The following ITGA1 variants were observed in gnomAD, a reference collection of about 807,000 sequenced individuals.
ITGA1 encodes the protein integrin alpha-1.
In ITGA1, 85 loss-of-function variants were observed where a neutral mutation model predicts 145.9. That is an observed-to-expected ratio of 0.58 (90% CI 0.49 to 0.70). The LOEUF (loss-of-function observed/expected upper bound fraction) is 0.70. Ranked by LOEUF, ITGA1 falls within the 30% of genes least tolerant of loss-of-function variation. The probability of loss-of-function intolerance (pLI) is 0.00; values close to 1 mark genes in which losing one functional copy is unlikely to be tolerated. For missense variants in ITGA1, 1,351 were observed against 1,418.7 expected (o/e 0.95, Z 0.77); for synonymous variants, 520 against 495.3 (o/e 1.05, Z -0.66).
chr5:52,825,645 C>A (rs1340565767), intron 1 of ITGA1, among the ~76,000 whole-genome samples: 1 of 152,124 alleles, frequency 6.6e-6, no homozygotes, highest in African/African-American at 2.4e-5. Flanking sequence ...ATAGGCAGGG[C>A]ACAGTGGCTC....
At position 52,921,956 on chromosome 5, in the gene ITGA1, G is replaced by A. The variant is rs113037345; in HGVS notation, c.2293-821G>A. On this transcript the variant is annotated intron_variant, in intron 17 of 28. Coordinates refer to ENST00000282588, the MANE Select transcript of ITGA1 (RefSeq NM_181501.2). ...CTATAAATGATTATTGTTATTGGTG[G>A]CATGTTAACAGTATTAATCATATTC... Among the ~76,000 whole-genome samples the A allele has an allele frequency of 7.3e-3, 1,104 of 152,216 alleles. 6 individuals are homozygous for A. The highest frequency in any genetic ancestry group is 0.012 in the Non-Finnish European group (807 of 68,002).
At chr5:52,808,676 C>CTTTCTTTTTTTTTTTTTTTTTTTTTTTTT (rs1554041033) in intron 1 of ITGA1, among the ~76,000 whole-genome samples, 46 of 69,340 alleles carry the variant, frequency 6.6e-4, no homozygotes, top group Admixed American at 7.8e-4. Context: ...TTCTTTCTTT[C>CTTTCTTTTTTTTTTTTTTTTTTTTTTTTT]TTTTTTTTTT....
At chr5:52,912,754 A>ATT (rs10657085) in intron 14 of ITGA1, among the ~76,000 whole-genome samples, 9,900 of 138,788 alleles carry the variant, frequency 0.071, 974 homozygotes, top group African/African-American at 0.22. Flanking sequence ...ATATATATAT[A>ATT]TTTTTTTTTT....
intron 17 of ITGA1, 60 bp from the exon 18 acceptor site, chr5:52,922,717 C>A (rs1750748441): frequency 9.3e-7 from 1 of 1,078,404 alleles, no homozygotes. Context: ...GGAGACATAA[C>A]AAGATCAGAA....
chr5:52,905,624 C>A, intron 11 of ITGA1, 139 bp from the exon 12 acceptor site: 2 of 632,784 alleles, frequency 3.2e-6, no homozygotes, highest in Non-Finnish European at 2.5e-6. Flanking sequence ...CAAATTCTTA[C>A]GTGCATTGAA....
intron 11 of ITGA1, among the ~76,000 whole-genome samples, chr5:52,898,614 G>A (rs1408586892): frequency 3.3e-5 from 5 of 151,976 alleles, no homozygotes; most frequent in African/African-American, 1.2e-4. Flanking sequence ...TGCAGGGAAT[G>A]GTTTAGGTTG....
rs1049561291 is a variant in ITGA1 at position 52,932,107 on chromosome 5, A to G, written c.2832A>G (p.Val944=). 10 of 1,609,436 alleles carry G rather than the reference A, an allele frequency of 6.2e-6. No individual in the cohort carries two copies. The highest frequency in any genetic ancestry group is 1.6e-4 in the Middle Eastern group (1 of 6,078). Residue 944 remains valine, a synonymous_variant, in exon 22 of 29, where the codon GTA becomes GTG. Transcript: ENST00000282588. ...ATGTAGTAAACATTTCTATCCCGGT[A>G]AAATATGAAGTTGGACTACAGTTTT... ...SDNVVNISIP[V]KYEVGLQFYS... is the part of the protein sequence containing the mutation.
At chr5:52,916,448 T>C (rs1177100035) in intron 15 of ITGA1, among the ~76,000 whole-genome samples, 1 of 152,116 alleles carries the variant, frequency 6.6e-6, no homozygotes, top group African/African-American at 2.4e-5. Flanking sequence ...AATGCTCTTT[T>C]TCCCAAAAAT....
intron 15 of ITGA1, among the ~76,000 whole-genome samples, chr5:52,917,318 T>TAA (rs1191033620): frequency 6.6e-6 from 1 of 152,214 alleles, no homozygotes; most frequent in African/African-American, 2.4e-5. Context: ...TCTTTATCAA[T>TAA]AAGTGTTTAA....
intron 3 of ITGA1, among the ~76,000 whole-genome samples, chr5:52,864,422 T>A (rs1330879196): frequency 6.6e-6 from 1 of 152,204 alleles, no homozygotes; most frequent in Non-Finnish European, 1.5e-5. Context: ...TATAACAAAG[T>A]TATAAGATTA....
intron 28 of ITGA1, chr5:52,948,777 C>T (rs573880106): frequency 1.3e-5 from 2 of 152,200 alleles, no homozygotes; most frequent in South Asian, 4.1e-4. Context: ...GAGAGTGTTA[C>T]TGTTGATTTT....
At chr5:52,857,346 C>A (rs1749532455) in intron 2 of ITGA1, among the ~76,000 whole-genome samples, 1 of 152,074 alleles carries the variant, frequency 6.6e-6, no homozygotes, top group African/African-American at 2.4e-5. Context: ...AGATTCTACT[C>A]CCTCTCCTGT....
intron 6 of ITGA1, among the ~76,000 whole-genome samples, chr5:52,869,967 G>T (rs1270520878): frequency 6.6e-6 from 1 of 152,092 alleles, no homozygotes; most frequent in African/African-American, 2.4e-5. Flanking sequence ...TAAGTATAAT[G>T]CATGTGAACT....
chr5:52,797,647 AAGG>A (rs1326877172), intron 1 of ITGA1, among the ~76,000 whole-genome samples: 1 of 152,140 alleles, frequency 6.6e-6, no homozygotes, highest in Non-Finnish European at 1.5e-5. Context: ...ATTTGCAGTG[AAGG>A]AGATGATTAC....
At chr5:52,830,120 G>A (rs1580051492) in intron 1 of ITGA1, among the ~76,000 whole-genome samples, 1 of 152,100 alleles carries the variant, frequency 6.6e-6, no homozygotes, top group South Asian at 2.1e-4. Flanking sequence ...AGCCAGTAGG[G>A]TATAGTAGCT....
In ITGA1 at chr5:52,834,401, C is replaced by T. The variant is rs560229505; in HGVS notation, c.62-14964C>T. 3.3e-4 allele frequency among the ~76,000 whole-genome samples: 50 copies of T among 151,836 alleles called. No homozygotes were observed. In the South Asian group the frequency reaches 6.0e-3, roughly 18 times the overall value. On this transcript the variant is annotated intron_variant, in intron 1 of 28. Coordinates refer to ENST00000282588, the MANE Select transcript of ITGA1 (RefSeq NM_181501.2). ...GCCATCTTCTTGCCGTATCCTCACA[C>T]GGCCTTATCTCTGTGTACATAGTGG... is the stretch of plus-strand genomic sequence containing the variant.
intron 1 of ITGA1, chr5:52,801,509 A>G (rs773635131): frequency 2.5e-6 from 4 of 1,614,074 alleles, no homozygotes; most frequent in Non-Finnish European, 2.5e-6. Context: ...GGGGAAGTCA[A>G]AGCCTTGGAT....
intron 8 of ITGA1, among the ~76,000 whole-genome samples, chr5:52,891,805 C>G (rs1002931563): frequency 6.6e-6 from 1 of 151,872 alleles, no homozygotes; most frequent in African/African-American, 2.4e-5. Context: ...AGAATTAGGT[C>G]ATATCTACAT....
chr5:52,804,307 A>G (rs1221445489), intron 1 of ITGA1, among the ~76,000 whole-genome samples: 1 of 152,184 alleles, frequency 6.6e-6, no homozygotes, highest in Admixed American at 6.5e-5. Context: ...GCAAACAAAG[A>G]TTTCCTATGC....
Sources: gnomAD v4.1 joint callset for allele counts (sites outside exome capture counted in the v4.1 genomes callset) on GRCh38, gnomAD v4.1.1 for gene constraint, MANE v1.5 for transcripts, NCBI Gene and HGNC (gene_info 2026-07-23, HGNC 2026-07-21) for gene names.